Variants in RASSF2 observed in about 807,000 individuals in gnomAD.
The protein encoded by RASSF2 is Ras association domain family member 2.
In RASSF2, 34 loss-of-function variants were observed where a neutral mutation model predicts 46.3. The ratio of observed to expected loss-of-function variants is 0.73; its 90% CI spans 0.56 to 0.98. The LOEUF is 0.98. Ranked by LOEUF, RASSF2 falls within the 50% of genes least tolerant of loss-of-function variation. The pLI is 0.00. For synonymous variants in RASSF2, 158 were observed against 162.5 expected (o/e 0.97, Z 0.21); for missense variants, 364 against 431.2 (o/e 0.84, Z 1.38).
chr20:4,794,658 G>C (rs1926189187), intron 5 of RASSF2, among the ~76,000 whole-genome samples: 1 of 152,122 alleles, frequency 6.6e-6, no homozygotes, highest in African/African-American at 2.4e-5. Context: ...GCAGTAAGCT[G>C]TGATTAAGCC....
At chr20:4,804,312 CA>C (rs1307507906) in intron 2 of RASSF2, among the ~76,000 whole-genome samples, 1 of 137,524 alleles carries the variant, frequency 7.3e-6, no homozygotes, top group Non-Finnish European at 1.6e-5. Flanking sequence ...ATGTAACGCG[CA>C]AAAAGAAAAA....
intron 10 of RASSF2, 40 bp downstream of exon 10, chr20:4,787,593 C>A (rs1925470080): frequency 1.2e-6 from 2 of 1,612,728 alleles, no homozygotes; most frequent in Admixed American, 1.7e-5. Context: ...CAAATCCCCA[C>A]CCTCCTGAGG....
chr20:4,804,781 G>A (rs978089089), intron 2 of RASSF2, among the ~76,000 whole-genome samples: 1 of 152,134 alleles, frequency 6.6e-6, no homozygotes, highest in Admixed American at 6.5e-5. Context: ...CGTGCTTCAC[G>A]ATGGTGGCTC....
At chr20:4,819,159 C>T (rs13045004) in intron 2 of RASSF2, among the ~76,000 whole-genome samples, 61,914 of 151,910 alleles carry the variant, frequency 0.41, 15,342 homozygotes, top group Non-Finnish European at 0.55. Context: ...GACGGGGTTT[C>T]ACCATGTTGG....
chr20:4,816,040 A>T (rs985256370), intron 2 of RASSF2, among the ~76,000 whole-genome samples: 2 of 152,216 alleles, frequency 1.3e-5, no homozygotes, highest in African/African-American at 4.8e-5. Context: ...CATGGTTCAC[A>T]CCTGTAATCC....
chr20:4,781,531 C>T lies in RASSF2; in HGVS notation c.*2742G>A, dbSNP rs954265359. ...AAGACTATCTTTTGTGCTTTTCAGC[C>T]TCTCCCCAAGATAATCCCCACCCCC... On this transcript the variant is annotated 3_prime_UTR_variant, in exon 12 of 12. Transcript: ENST00000379400. The T allele has an allele frequency of 6.6e-6, 1 of 152,190 alleles. No individual in the cohort carries two copies. The highest frequency in any genetic ancestry group is 1.5e-5 in the Non-Finnish European group (1 of 68,036). The allele number at this position is 152,190 out of a possible 1,614,324, so 9.4% of individuals were successfully genotyped here.
intron 3 of RASSF2, 27 bp downstream of exon 3, chr20:4,800,945 A>G: frequency 6.3e-7 from 1 of 1,588,502 alleles, no homozygotes; most frequent in Non-Finnish European, 8.6e-7. Flanking sequence ...GTCACTGAGG[A>G]CAAAACACTC....
rs141526197 is a variant in RASSF2 at position 4,791,497 on chromosome 20, C to T, written c.377-886G>A. ...CATGTATCTAAAAATATGTGGGGTT[C>T]CCATGGCATATGTCTATCCTTGTAT... On this transcript the variant is annotated intron_variant, in intron 6 of 11. Coordinates refer to ENST00000379400, the MANE Select transcript of RASSF2 (RefSeq NM_014737.3). Among the ~76,000 whole-genome samples the T allele has an allele frequency of 5.5e-3, 841 of 152,236 alleles. 9 individuals carry two copies. Among genetic ancestry groups the T allele is most frequent in the African/African-American group, 0.019 (801 of 41,532 alleles).
In RASSF2 at chr20:4,784,103, G is replaced by A. The variant is rs1925069946; in HGVS notation, c.*170C>T. 1 of 658,218 alleles carries A rather than the reference G, an allele frequency of 1.5e-6. No homozygotes were observed. Among genetic ancestry groups the A allele is most frequent in the African/African-American group, 1.8e-5 (1 of 55,214 alleles). 40.8% of individuals were successfully genotyped at this position (658,218 alleles called of 1,614,324 possible). ...AAGGAGGGCAGGGGTCCAGGGATAG[G>A]GAGCTGTCTGCTGACTTCTACATCC... On this transcript the variant is annotated 3_prime_UTR_variant, in exon 12 of 12. Transcript: ENST00000379400.
At chr20:4,787,857 C>CA in intron 9 of RASSF2, 103 bp from the exon 10 acceptor site, 1 of 1,395,816 alleles carries the variant, frequency 7.2e-7, no homozygotes. Flanking sequence ...CCGCCATATA[C>CA]GTCAGGAGAC....
intron 2 of RASSF2, among the ~76,000 whole-genome samples, chr20:4,804,877 G>C (rs1927214594): frequency 6.6e-6 from 1 of 152,086 alleles, no homozygotes; most frequent in South Asian, 2.1e-4. Flanking sequence ...TGAGTGCTAT[G>C]GTAGCAAACA....
intron 9 of RASSF2, 83 bp downstream of exon 9, chr20:4,788,134 G>T: frequency 1.5e-6 from 2 of 1,293,060 alleles, no homozygotes; most frequent in Non-Finnish European, 2.2e-6. Flanking sequence ...CAAACAACAA[G>T]CAAAGGAGGC....
rs572064155 is a variant in RASSF2, at chr20:4,795,518, C to T, written c.287+297G>A. 10 of 279,692 alleles carry T rather than the reference C, an allele frequency of 3.6e-5. No homozygotes were observed. The South Asian group carries it at 6.3e-4, about 18-fold the overall frequency. The allele number at this position is 279,692 out of a possible 1,614,324, so 17.3% of individuals were successfully genotyped here. The stretch of plus-strand genomic sequence containing the variant: ...CTCACTAGCCACTAGCAGCTCCACT[C>T]AGAGACTCCTGAGTTCTCCCTAAGG... On this transcript the variant is annotated intron_variant, in intron 5 of 11. Coordinates refer to ENST00000379400, the MANE Select transcript of RASSF2 (RefSeq NM_014737.3). The surrounding 1 kb of genome is among the most constrained non-coding windows in gnomAD (Gnocchi z 4.0).
intron 2 of RASSF2, among the ~76,000 whole-genome samples, chr20:4,811,139 G>A (rs1927758561): frequency 8.0e-6 from 1 of 125,690 alleles, no homozygotes; most frequent in African/African-American, 2.8e-5. Context: ...TTGGGGCCAG[G>A]AGTTCAAGAT....
chr20:4,821,913 G>A (rs551809852), intron 2 of RASSF2, among the ~76,000 whole-genome samples: 91 of 152,206 alleles, frequency 6.0e-4, no homozygotes, highest in Non-Finnish European at 1.2e-3. Flanking sequence ...CCACGCAAGG[G>A]TCTCTGATCC....
At chr20:4,786,813 G>A (rs906211906) in intron 10 of RASSF2, among the ~76,000 whole-genome samples, 7 of 152,298 alleles carry the variant, frequency 4.6e-5, no homozygotes, top group Middle Eastern at 3.4e-3. Flanking sequence ...GCCAGGCATC[G>A]TGGTTCATGC....
chr20:4,805,775 T>A (rs1393850487), intron 2 of RASSF2, among the ~76,000 whole-genome samples: 1 of 152,104 alleles, frequency 6.6e-6, no homozygotes, highest in Non-Finnish European at 1.5e-5. Flanking sequence ...AGTCGTGATG[T>A]GGAAAGCACA....
At position 4,818,865 on chromosome 20, in the gene RASSF2, A is replaced by G. The variant is rs373875415; in HGVS notation, c.-33+3464T>C. Among the ~76,000 whole-genome samples, 83 of 152,364 alleles carry G rather than the reference A, an allele frequency of 5.4e-4. 2 individuals are homozygous for G. The South Asian group carries it at 0.016, about 29-fold the overall frequency. Reference sequence around the variant, plus strand: ...CTACATGCTTGCTATGTGCCAGGCTAAGCACATGATAGCCCATTTGACCCT... The same window carrying G: ...CTACATGCTTGCTATGTGCCAGGCTGAGCACATGATAGCCCATTTGACCCT... On this transcript the variant is annotated intron_variant, in intron 2 of 11. Transcript: ENST00000379400.
chr20:4,815,598 C>A (rs185408997), intron 2 of RASSF2, among the ~76,000 whole-genome samples: 1 of 152,372 alleles, frequency 6.6e-6, no homozygotes, highest in Non-Finnish European at 1.5e-5. Context: ...TTCAGGGAAG[C>A]TAGTGTCCAC....
Sources: allele counts gnomAD v4.1 joint callset (sites outside exome capture counted in the v4.1 genomes callset), GRCh38; gene constraint gnomAD v4.1.1; non-coding constraint Gnocchi (gnomAD v3.1); transcripts MANE v1.5; gene names NCBI Gene and HGNC (gene_info 2026-07-23, HGNC 2026-07-21).